ADGRL3: variants seen among roughly 807,000 people sequenced by gnomAD.
ADGRL3 encodes the protein calcium-independent alpha-latrotoxin receptor 3.
A neutral mutation model predicts 153.5 loss-of-function variants in ADGRL3; 62 were observed. That is an observed-to-expected ratio of 0.40 (90% CI 0.33 to 0.50). ADGRL3 has a LOEUF of 0.50. Among genes scored for constraint, ADGRL3 ranks in the 20% least tolerant of loss-of-function variants. The pLI, the probability that ADGRL3 is intolerant of heterozygous loss-of-function variation, is 0.47. For synonymous variants in ADGRL3, 710 were observed against 672.5 expected, an observed-to-expected ratio of 1.06 and a Z score of -0.86; for missense variants, 1,641 against 1,859.4, an observed-to-expected ratio of 0.88 and a Z score of 2.16.
intron 3 of ADGRL3, among the ~76,000 whole-genome samples, chr4:61,512,801 A>G (rs571006127): frequency 3.8e-4 from 58 of 152,232 alleles, no homozygotes; most frequent in African/African-American, 1.2e-3. Flanking sequence ...ACTAGGAAGG[A>G]TACTTTGTAC....
intron 5 of ADGRL3, among the ~76,000 whole-genome samples, chr4:61,591,687 G>A (rs1223101384): frequency 6.6e-6 from 1 of 151,938 alleles, no homozygotes; most frequent in Non-Finnish European, 1.5e-5. Flanking sequence ...TACAAAGTAG[G>A]AGTATTTTTT....
intron 6 of ADGRL3, among the ~76,000 whole-genome samples, chr4:61,715,723 T>C (rs926589597): frequency 6.6e-6 from 1 of 152,058 alleles, no homozygotes; most frequent in Non-Finnish European, 1.5e-5. Context: ...TTGATAAACA[T>C]TTATTATTTT....
rs1245190372 is a variant in ADGRL3, at chr4:61,277,267, G to C, written c.-240+75502G>C. ...TGAATGATAATATAAGCCTGACCGA[G>C]TTATAAGGACTAGAGCTATGAATGC... is the stretch of plus-strand genomic sequence containing the variant. On this transcript the variant is annotated intron_variant, in intron 1 of 26. Transcript: ENST00000683033. Among the ~76,000 whole-genome samples the C allele has an allele frequency of 2.0e-5, 3 of 152,114 alleles. 1 individual carries two copies. The highest frequency in any genetic ancestry group is 2.0e-4 in the Admixed American group (3 of 15,246).
At chr4:61,736,334 G>A (rs368114284) in intron 8 of ADGRL3, among the ~76,000 whole-genome samples, 2 of 152,050 alleles carry the variant, frequency 1.3e-5, no homozygotes, top group South Asian at 2.1e-4. Context: ...TCACCCTCAC[G>A]TACTAGTGCC....
At chr4:61,406,614 T>C (rs2097001114) in intron 2 of ADGRL3, among the ~76,000 whole-genome samples, 1 of 151,918 alleles carries the variant, frequency 6.6e-6, no homozygotes, top group Admixed American at 6.6e-5. Flanking sequence ...TTAACTTTTT[T>C]CCTTTTATTT....
intron 1 of ADGRL3, among the ~76,000 whole-genome samples, chr4:61,248,658 C>T (rs968948095): frequency 1.3e-5 from 2 of 152,006 alleles, no homozygotes; most frequent in African/African-American, 4.8e-5. Flanking sequence ...CTCTTTATTC[C>T]TTGAGACACC....
intron 9 of ADGRL3, among the ~76,000 whole-genome samples, chr4:61,838,779 C>A (rs1177373169): frequency 6.6e-6 from 1 of 152,148 alleles, no homozygotes; most frequent in East Asian, 1.9e-4. Flanking sequence ...TATTCAATTT[C>A]TTTTCTTTGT....
At chr4:61,610,234 A>G (rs2099047871) in intron 5 of ADGRL3, among the ~76,000 whole-genome samples, 1 of 151,936 alleles carries the variant, frequency 6.6e-6, no homozygotes, top group Admixed American at 6.6e-5. Context: ...TAATATTTAA[A>G]TCTCTAACCT....
chr4:61,685,276 C>T (rs1395958961), intron 6 of ADGRL3, among the ~76,000 whole-genome samples: 1 of 152,062 alleles, frequency 6.6e-6, no homozygotes, highest in Non-Finnish European at 1.5e-5. Context: ...AGCAATAATT[C>T]TATCAAACAA....
chr4:61,676,694 C>T (rs1323738104), intron 5 of ADGRL3, 132 bp from the exon 6 acceptor site: 22 of 668,132 alleles, frequency 3.3e-5, no homozygotes, highest in South Asian at 3.1e-4. Context: ...TCTTAATAGG[C>T]CTAAAGCCCC....
intron 8 of ADGRL3, among the ~76,000 whole-genome samples, chr4:61,798,999 G>GTATATA (rs34782885): frequency 0.021 from 1,707 of 80,528 alleles, 78 homozygotes; most frequent in Non-Finnish European, 0.026. Flanking sequence ...TATATAAACA[G>GTATATA]TATATATATA....
At chr4:61,382,425 A>C (rs1204314861) in intron 1 of ADGRL3, among the ~76,000 whole-genome samples, 1 of 151,706 alleles carries the variant, frequency 6.6e-6, no homozygotes, top group Non-Finnish European at 1.5e-5. Flanking sequence ...TAAATATCTA[A>C]AGAAAATACT....
At chr4:61,980,455 T>A (rs2099064191) in intron 18 of ADGRL3, among the ~76,000 whole-genome samples, 1 of 151,858 alleles carries the variant, frequency 6.6e-6, no homozygotes, top group South Asian at 2.1e-4. Flanking sequence ...TCTTTTCTTT[T>A]TTGAGAAAAG....
chr4:61,517,327 G>C lies in ADGRL3; in HGVS notation c.68G>C (p.Ser23Thr), dbSNP rs958609798. The change falls in exon 4 of 27, where the codon AGT (serine) becomes ACT (threonine). Residue 23 changes from serine (S) to threonine (T), a missense_variant. This residue lies in a region of ADGRL3 where 145 missense variants were observed against 79.1 expected (regional missense o/e 1.83). Coordinates refer to ENST00000683033, the MANE Select transcript of ADGRL3 (RefSeq NM_001387552.1). ...GCGGTCCCCGCAGGTGGCAAGCACAGTGAACGACATCCTGCCCTTGCTGCT... is the reference window on the plus strand; with the variant it reads ...GCGGTCCCCGCAGGTGGCAAGCACACTGAACGACATCCTGCCCTTGCTGCT... ...LAPIIHGGKH[S>T]ERHPALAAPL... The C allele has an allele frequency of 1.4e-5, 10 of 703,108 alleles. No individual in the cohort carries two copies. The highest frequency in any genetic ancestry group is 2.6e-5 in the Non-Finnish European group (10 of 385,500). The allele number at this position is 703,108 out of a possible 1,614,324, so 43.6% of individuals were successfully genotyped here.
chr4:61,810,307 C>T (rs1391756998), intron 8 of ADGRL3, among the ~76,000 whole-genome samples: 1 of 152,100 alleles, frequency 6.6e-6, no homozygotes, highest in Non-Finnish European at 1.5e-5. Flanking sequence ...TCTAACCAGC[C>T]TCTGATACCA....
At chr4:61,805,886 A>G (rs1490842188) in intron 8 of ADGRL3, among the ~76,000 whole-genome samples, 1 of 152,200 alleles carries the variant, frequency 6.6e-6, no homozygotes, top group Non-Finnish European at 1.5e-5. Flanking sequence ...TTTCTGCTAG[A>G]AAATGGGTAG....
At chr4:61,559,777 A>T (rs2148950563) in intron 4 of ADGRL3, among the ~76,000 whole-genome samples, 1 of 152,088 alleles carries the variant, frequency 6.6e-6, no homozygotes, top group Non-Finnish European at 1.5e-5. Context: ...ATACTTGCCT[A>T]AAGAAGAAAT....
chr4:61,220,476 G>C (rs1304338007), intron 1 of ADGRL3, among the ~76,000 whole-genome samples: 1 of 152,110 alleles, frequency 6.6e-6, no homozygotes, highest in Non-Finnish European at 1.5e-5. Flanking sequence ...GATTATATCT[G>C]TTTCATAGAA....
At chr4:61,955,987 C>T (rs1449416111) in intron 17 of ADGRL3, among the ~76,000 whole-genome samples, 1 of 152,144 alleles carries the variant, frequency 6.6e-6, no homozygotes, top group Admixed American at 6.5e-5. Flanking sequence ...AATAGTGCTT[C>T]AGTAAACATG....
Sources: allele counts gnomAD v4.1 joint callset (sites outside exome capture counted in the v4.1 genomes callset), GRCh38; gene constraint gnomAD v4.1.1; regional missense constraint gnomAD v4.1.1; transcripts MANE v1.5; gene names NCBI Gene and HGNC (gene_info 2026-07-23, HGNC 2026-07-21).